Variants in TEX9 observed in about 807,000 individuals in gnomAD.
TEX9 encodes the protein testis-expressed protein 9.
TEX9 carries 74 observed loss-of-function variants against 59.6 expected under a neutral mutation model. The observed-to-expected ratio is 1.24, with a 90% CI of 1.03 to 1.51. TEX9 has a LOEUF of 1.51. TEX9 is among the 40% of genes most tolerant of loss of function. The probability of loss-of-function intolerance (pLI) is 0.00; values close to 1 mark genes in which losing one functional copy is unlikely to be tolerated. For synonymous variants in TEX9, 186 were observed against 152.2 expected, an observed-to-expected ratio of 1.22 and a Z score of -1.64; for missense variants, 522 against 447.8, an observed-to-expected ratio of 1.17 and a Z score of -1.49.
intron 2 of TEX9, among the ~76,000 whole-genome samples, chr15:56,371,517 T>G (rs2047189524): frequency 6.6e-6 from 1 of 152,146 alleles, no homozygotes; most frequent in Admixed American, 6.5e-5. Flanking sequence ...TGTTATATTA[T>G]CTCTTGTTCT....
At chr15:56,283,049 G>GGGGTGTGTGTGT (rs140785812) in intron 1 of TEX9, among the ~76,000 whole-genome samples, 2,903 of 148,540 alleles carry the variant, frequency 0.02, 96 homozygotes, top group African/African-American at 0.067. Context: ...TACATTGTGT[G>GGGGTGTGTGTGT]GTGTGTGTGT....
At chr15:56,298,256 T>C (rs2045262750) in intron 1 of TEX9, among the ~76,000 whole-genome samples, 1 of 152,236 alleles carries the variant, frequency 6.6e-6, no homozygotes, top group Non-Finnish European at 1.5e-5. Context: ...AGGAAAATAG[T>C]ATTTGAGCAG....
chr15:56,263,242 C>T lies in TEX9; in HGVS notation c.-107+18964C>T, dbSNP rs190328852. ...TTCTCTATGTTGGTCAGGCTGGTCT[C>T]GAACTGCAGACCTTAGGTGATCCAC... is the stretch of plus-strand genomic sequence containing the variant. On this transcript the variant is annotated intron_variant, in intron 1 of 5. Transcript: ENST00000560827. 1.1e-3 allele frequency among the ~76,000 whole-genome samples: 166 copies of T among 152,282 alleles called. 1 individual carries two copies. Among genetic ancestry groups the T allele is most frequent in the Admixed American group, 1.9e-3 (29 of 15,302 alleles).
intron 1 of TEX9, among the ~76,000 whole-genome samples, chr15:56,341,054 C>T (rs576372721): frequency 6.6e-6 from 1 of 152,192 alleles, no homozygotes; most frequent in East Asian, 1.9e-4. Context: ...GCACAGGGGG[C>T]TTGCTAGGGT....
chr15:56,400,625 A>G (rs559150248), intron 9 of TEX9, among the ~76,000 whole-genome samples: 2 of 152,328 alleles, frequency 1.3e-5, no homozygotes, highest in East Asian at 3.9e-4. Context: ...AATTCAGGAA[A>G]TACAGACAAC....
In TEX9 at chr15:56,271,155, G is replaced by T. The variant is rs141458526; in HGVS notation, c.-107+26877G>T. Among the ~76,000 whole-genome samples the T allele has an allele frequency of 4.1e-4, 63 of 152,226 alleles. 1 individual carries two copies. In the East Asian group the frequency reaches 0.012, roughly 29 times the overall value. ...GTGGAGTATCTTTGTGGTGGTCTCT[G>T]TATTTCCTGAATTTGAATGTTGACC... On this transcript the variant is annotated intron_variant, in intron 1 of 5. Coordinates refer to the TEX9 transcript ENST00000560827.
intron 9 of TEX9, chr15:56,396,138 A>G (rs1306252929): frequency 6.6e-6 from 1 of 152,188 alleles, no homozygotes; most frequent in African/African-American, 2.4e-5. Flanking sequence ...GACGATAAGA[A>G]TTATGTAATA....
At chr15:56,356,892 A>G (rs1392072848) in intron 1 of TEX9, among the ~76,000 whole-genome samples, 8 of 152,006 alleles carry the variant, frequency 5.3e-5, no homozygotes, top group Non-Finnish European at 1.2e-4. Context: ...TAAATGTCAA[A>G]TGGTGCCAAT....
chr15:56,339,571 G>A (rs2141823968), intron 1 of TEX9, among the ~76,000 whole-genome samples: 1 of 152,086 alleles, frequency 6.6e-6, no homozygotes, highest in African/African-American at 2.4e-5. Flanking sequence ...GGCTGTGTTA[G>A]TCTGCTGTAA....
chr15:56,407,962 G>C (rs1202952347), intron 9 of TEX9, among the ~76,000 whole-genome samples: 1 of 152,088 alleles, frequency 6.6e-6, no homozygotes, highest in Non-Finnish European at 1.5e-5. Context: ...TCTACTCAAG[G>C]TCTCTGCACT....
exon 7 of TEX9, chr15:56,391,359 A>G (rs745805522): frequency 5.0e-6 from 8 of 1,592,606 alleles, no homozygotes; most frequent in Non-Finnish European, 6.8e-6. Context: ...CTGGAGGAAG[A>G]AGGCTTACCT....
intron 1 of TEX9, among the ~76,000 whole-genome samples, chr15:56,272,154 AAATGTAC>A (rs1261668783): frequency 2.0e-5 from 3 of 151,830 alleles, no homozygotes; most frequent in African/African-American, 7.3e-5. Flanking sequence ...AAAAAAAAAA[AAATGTAC>A]AATTTAGTGG....
At chr15:56,257,697 G>A (rs1025991137) in intron 1 of TEX9, among the ~76,000 whole-genome samples, 1 of 151,998 alleles carries the variant, frequency 6.6e-6, no homozygotes, top group Admixed American at 6.6e-5. Context: ...TTAGATCTTT[G>A]TTAGATGCAT....
At chr15:56,254,697 CGAAA>C (rs1180700513) in intron 1 of TEX9, among the ~76,000 whole-genome samples, 4 of 151,376 alleles carry the variant, frequency 2.6e-5, no homozygotes, top group African/African-American at 9.7e-5. Context: ...TAATACCTAA[CGAAA>C]GAGAGTTTAT....
intron 1 of TEX9, among the ~76,000 whole-genome samples, chr15:56,341,343 C>T (rs1320020559): frequency 6.6e-6 from 1 of 152,158 alleles, no homozygotes; most frequent in African/African-American, 2.4e-5. Flanking sequence ...CTAGTAGATC[C>T]CATTGCACTC....
At chr15:56,420,295 TTTTTCTC>T (rs1197984878) in intron 10 of TEX9, among the ~76,000 whole-genome samples, 6 of 151,582 alleles carry the variant, frequency 4.0e-5, no homozygotes, top group Non-Finnish European at 7.4e-5. Context: ...CAATTTGTTC[TTTTTCTC>T]TTTTCTCTTT....
At chr15:56,272,972 A>T (rs1168029025) in intron 1 of TEX9, among the ~76,000 whole-genome samples, 1 of 150,234 alleles carries the variant, frequency 6.7e-6, no homozygotes, top group Non-Finnish European at 1.5e-5. Context: ...GTTGAGACAG[A>T]GTCTCACTCT....
At chr15:56,301,580 A>G (rs1315461506) in intron 1 of TEX9, among the ~76,000 whole-genome samples, 15 of 152,184 alleles carry the variant, frequency 9.9e-5, no homozygotes, top group African/African-American at 3.4e-4. Flanking sequence ...AAGAGCTTCA[A>G]TACATCTGGC....
At position 56,345,290 on chromosome 15, in the gene TEX9, G is replaced by C. The variant is rs1324769628; in HGVS notation, c.-106-28151G>C. Among the ~76,000 whole-genome samples the C allele has an allele frequency of 3.3e-5, 5 of 152,040 alleles. No homozygotes were observed. In the South Asian group the frequency reaches 1.0e-3, roughly 32 times the overall value. ...GACATGAATGGACAATTTTCATGAA[G>C]GGCAATTTTCTGACATATTTGTGTG... On this transcript the variant is annotated intron_variant, in intron 1 of 5. Coordinates refer to the TEX9 transcript ENST00000560827.
Sources: allele counts gnomAD v4.1 joint callset (sites outside exome capture counted in the v4.1 genomes callset), GRCh38; gene constraint gnomAD v4.1.1; transcripts MANE v1.5; gene names NCBI Gene and HGNC (gene_info 2026-07-23, HGNC 2026-07-21).